Variants in RBM6 observed in about 807,000 individuals in gnomAD.
RBM6 encodes RNA-binding protein 6.
A neutral mutation model predicts 140.4 loss-of-function variants in RBM6; 23 were observed. That is an observed-to-expected ratio of 0.16 (90% CI 0.12 to 0.23). RBM6 has a LOEUF of 0.23. Among genes scored for constraint, RBM6 ranks in the 10% least tolerant of loss-of-function variants. The pLI, the probability that RBM6 is intolerant of heterozygous loss-of-function variation, is 1.00. For synonymous variants in RBM6, 439 were observed against 475.6 expected (o/e 0.92, Z 1.00); for missense variants, 1,139 against 1,386.7 (o/e 0.82, Z 2.84).
intron 5 of RBM6, among the ~76,000 whole-genome samples, chr3:49,985,797 G>A (rs1016479295): frequency 4.6e-5 from 7 of 151,234 alleles, no homozygotes; most frequent in African/African-American, 1.2e-4. Flanking sequence ...TAGCAGAGAC[G>A]GGGTTTCACT....
chr3:50,031,953 T>A (rs1330573820), intron 6 of RBM6, among the ~76,000 whole-genome samples: 1 of 152,168 alleles, frequency 6.6e-6, no homozygotes, highest in African/African-American at 2.4e-5. Flanking sequence ...CTGTACTCCA[T>A]AAATAAATAC....
At chr3:50,021,618 GT>G (rs1390090061) in intron 6 of RBM6, among the ~76,000 whole-genome samples, 1 of 152,018 alleles carries the variant, frequency 6.6e-6, no homozygotes, top group Non-Finnish European at 1.5e-5. Flanking sequence ...TCCAGCCTGG[GT>G]GACAGAGCAA....
At chr3:49,962,746 T>TATAA in intron 2 of RBM6, 61 bp downstream of exon 2, 3 of 1,383,688 alleles carry the variant, frequency 2.2e-6, no homozygotes, top group Non-Finnish European at 3.0e-6. Flanking sequence ...GTGTAACATT[T>TATAA]TCGCCTACTA....
At position 50,016,280 on chromosome 3, in the gene RBM6, C is replaced by CT. The variant is rs202050891; in HGVS notation, c.1557+16773dup. 9.2e-3 allele frequency among the ~76,000 whole-genome samples: 1,394 copies of CT among 152,230 alleles called. 33 individuals are homozygous for CT. The highest frequency in any genetic ancestry group is 0.031 in the African/African-American group (1,296 of 41,532). ...ATGTCGCAAATGGCAGAATTTCCTTCTTTTTTAAGGCCAAATAGTATTTCA... is the reference window on the plus strand; with the variant it reads ...ATGTCGCAAATGGCAGAATTTCCTTCTTTTTTTAAGGCCAAATAGTATTTCA... On this transcript the variant is annotated intron_variant, in intron 6 of 20. Transcript: ENST00000266022.
chr3:50,026,901 C>CAAAAAAA (rs139771207), intron 6 of RBM6, among the ~76,000 whole-genome samples: 2 of 119,546 alleles, frequency 1.7e-5, no homozygotes, highest in East Asian at 2.1e-4. Flanking sequence ...CTTGTCTCAC[C>CAAAAAAA]AAAAAAAAAA....
rs1306844939 is a variant in RBM6 at position 50,049,094 on chromosome 3, G to A, written c.1632+775G>A. ...TGGGATTATAGGCATGAGCCACCGC[G>A]CTGGCCTGTTTATTTATTTATTTAT... On this transcript the variant is annotated intron_variant, in intron 7 of 20. Transcript: ENST00000266022. Among the ~76,000 whole-genome samples the A allele has an allele frequency of 4.0e-5, 6 of 150,716 alleles. No individual in the cohort carries two copies. The East Asian group carries it at 6.0e-4, about 15-fold the overall frequency.
chr3:49,953,355 G>C (rs2083826286), intron 1 of RBM6, among the ~76,000 whole-genome samples: 1 of 151,956 alleles, frequency 6.6e-6, no homozygotes, highest in South Asian at 2.1e-4. Flanking sequence ...GAGTAGCTGG[G>C]ACTACAGGCG....
At chr3:49,956,328 CTTTTTTT>C (rs34467093) in intron 1 of RBM6, among the ~76,000 whole-genome samples, 20 of 72,056 alleles carry the variant, frequency 2.8e-4, no homozygotes, top group East Asian at 7.5e-4. Flanking sequence ...CCCTCCCCCG[CTTTTTTT>C]TTTTTTTTTT....
chr3:49,944,649 T>A (rs1223834909), intron 1 of RBM6, among the ~76,000 whole-genome samples: 4 of 151,200 alleles, frequency 2.6e-5, no homozygotes, highest in African/African-American at 4.9e-5. Flanking sequence ...CTAATTTTTT[T>A]ATTTTTAGTA....
At chr3:50,058,777 G>A (rs551521646) in intron 10 of RBM6, 9 of 341,160 alleles carry the variant, frequency 2.6e-5, no homozygotes, top group East Asian at 2.2e-4. Context: ...TTAGCTGGGC[G>A]TGGTGGCAGG....
intron 6 of RBM6, among the ~76,000 whole-genome samples, chr3:50,031,658 A>G (rs2088173877): frequency 6.6e-6 from 1 of 152,170 alleles, no homozygotes; most frequent in Non-Finnish European, 1.5e-5. Flanking sequence ...GCAGCACACC[A>G]ACATGGCACA....
intron 19 of RBM6, among the ~76,000 whole-genome samples, chr3:50,070,906 T>A (rs1269877373): frequency 6.6e-6 from 1 of 152,226 alleles, no homozygotes; most frequent in African/African-American, 2.4e-5. Flanking sequence ...ACATAGGTGC[T>A]AAATAAATGG....
intron 1 of RBM6, among the ~76,000 whole-genome samples, chr3:49,961,949 AG>A (rs2084300381): frequency 6.6e-6 from 1 of 151,446 alleles, no homozygotes; most frequent in South Asian, 2.1e-4. Context: ...TGAGCTCAGG[AG>A]TTTGAGACCA....
At chr3:50,069,325 C>T (rs116446700) in intron 18 of RBM6, among the ~76,000 whole-genome samples, 15 of 151,968 alleles carry the variant, frequency 9.9e-5, no homozygotes, top group Non-Finnish European at 1.6e-4. Flanking sequence ...CCAGCCTGGG[C>T]GACATGGCGA....
In RBM6 at chr3:49,968,224, C is replaced by G. The variant is rs529537939; in HGVS notation, c.799C>G (p.Gln267Glu). The G allele has an allele frequency of 8.1e-6, 13 of 1,613,864 alleles. No homozygotes were observed. The highest frequency in any genetic ancestry group is 1.1e-5 in the Non-Finnish European group (13 of 1,180,034). ...FRGRHRSRTD[Q>E]DFRGREMGSC... is the part of the protein sequence containing the mutation. ...AGGTAGACACCGATCTAGGACTGAT[C>G]AGGATTTTAGGGGCAGAGAGATGGG... The change falls in exon 3 of 21, where the codon CAG becomes GAG. Residue 267 changes from glutamine (Q) to glutamate (E), a missense_variant. Coordinates refer to ENST00000266022, the MANE Select transcript of RBM6 (RefSeq NM_005777.3).
In RBM6 at chr3:50,057,675, T is replaced by C. The variant is rs199931834; in HGVS notation, c.1694-53T>C. The C allele has an allele frequency of 3.4e-4, 497 of 1,478,408 alleles. 4 individuals are homozygous for C. The South Asian group carries it at 5.4e-3, about 16-fold the overall frequency. 91.6% of individuals were successfully genotyped at this position (1,478,408 alleles called of 1,614,324 possible). Reference sequence around the variant, plus strand: ...TTACAGTAGCAGTGTTTTTTCTTTTTTTTTTTTTTTGATAAAGCTTTCTAG... The same window carrying C: ...TTACAGTAGCAGTGTTTTTTCTTTTCTTTTTTTTTTGATAAAGCTTTCTAG... On this transcript the variant is annotated intron_variant, in intron 8 of 20. Coordinates refer to ENST00000266022, the MANE Select transcript of RBM6 (RefSeq NM_005777.3).
At chr3:49,942,058 G>A (rs576105633) in intron 1 of RBM6, among the ~76,000 whole-genome samples, 109 of 149,076 alleles carry the variant, frequency 7.3e-4, no homozygotes, top group African/African-American at 2.6e-3. Context: ...GGGAGATAGT[G>A]CCACTGCACT....
At chr3:50,003,720 G>A (rs1230409701) in intron 6 of RBM6, among the ~76,000 whole-genome samples, 2 of 152,212 alleles carry the variant, frequency 1.3e-5, no homozygotes, top group Admixed American at 1.3e-4. Context: ...ACTGAGCTTT[G>A]TGGCTGTGGT....
At chr3:49,981,783 A>G (rs1250038866) in intron 5 of RBM6, 1 of 152,126 alleles carries the variant, frequency 6.6e-6, no homozygotes, top group Non-Finnish European at 1.5e-5. Flanking sequence ...AGATCTTCTC[A>G]TTCACACAGT....
Sources: gnomAD v4.1 joint callset for allele counts (sites outside exome capture counted in the v4.1 genomes callset) on GRCh38, gnomAD v4.1.1 for gene constraint, MANE v1.5 for transcripts, NCBI Gene and HGNC (gene_info 2026-07-23, HGNC 2026-07-21) for gene names.